MAMDC2: variants seen among roughly 807,000 people sequenced by gnomAD.
MAMDC2 encodes the protein MAM domain containing 2, also known as MAM domain-containing protein 2.
In MAMDC2, 57 loss-of-function variants were observed where a neutral mutation model predicts 89.8. That is an observed-to-expected ratio of 0.63 (90% CI 0.51 to 0.79). MAMDC2 has a LOEUF of 0.79. Ranked by LOEUF, MAMDC2 falls within the 30% of genes least tolerant of loss-of-function variation. MAMDC2 has a pLI of 0.00. For synonymous variants in MAMDC2, 313 were observed against 293.4 expected (o/e 1.07, Z -0.68); for missense variants, 800 against 820.6 (o/e 0.97, Z 0.31).
chr9:70,143,499 TG>T lies in MAMDC2; in HGVS notation c.1139-54del, dbSNP rs2031295015. On this transcript the variant is annotated intron_variant, in intron 8 of 13. Coordinates refer to ENST00000377182, the MANE Select transcript of MAMDC2 (RefSeq NM_153267.5). The stretch of plus-strand genomic sequence containing the variant: ...TCTACTTTAATCATATTTTACCACT[TG>T]CTAATCTAGATTAGATTATTTTGCA... 4 of 1,556,018 alleles carry T rather than the reference TG, an allele frequency of 2.6e-6. No individual in the cohort carries two copies. The South Asian group carries it at 4.5e-5, about 18-fold the overall frequency.
chr9:70,214,067 T>C (rs534537954), intron 11 of MAMDC2, among the ~76,000 whole-genome samples: 1 of 152,272 alleles, frequency 6.6e-6, no homozygotes, highest in South Asian at 2.1e-4. Flanking sequence ...GACCTGGGAA[T>C]GTGGCAGTGA....
chr9:70,108,820 GTGTGCTA>G (rs1828418228), intron 3 of MAMDC2, among the ~76,000 whole-genome samples: 1 of 152,140 alleles, frequency 6.6e-6, no homozygotes, highest in Non-Finnish European at 1.5e-5. Flanking sequence ...TCTAAATTGT[GTGTGCTA>G]TGTGTTTGTT....
rs1047842014 is a variant in MAMDC2 at position 70,092,824 on chromosome 9, T to C, written c.149-15387T>C. On this transcript the variant is annotated intron_variant, in intron 2 of 13. Coordinates refer to ENST00000377182, the MANE Select transcript of MAMDC2 (RefSeq NM_153267.5). ...TAGATTGCTCATTTTACAGATATCA[T>C]GAGGTTTACCTTCATTTAAACTCTT... 3 of 152,332 alleles carry C rather than the reference T, an allele frequency of 2.0e-5. No homozygotes were observed. In the East Asian group the frequency reaches 5.8e-4, roughly 29 times the overall value. 9.4% of individuals were successfully genotyped at this position (152,332 alleles called of 1,614,324 possible).
chr9:70,209,145 A>C (rs908089716), intron 11 of MAMDC2, among the ~76,000 whole-genome samples: 1 of 152,210 alleles, frequency 6.6e-6, no homozygotes, highest in Non-Finnish European at 1.5e-5. Context: ...TTGGCCTCAT[A>C]AAATGAATTA....
chr9:70,130,849 A>C (rs1405005602), intron 6 of MAMDC2, among the ~76,000 whole-genome samples: 2 of 152,198 alleles, frequency 1.3e-5, no homozygotes, highest in African/African-American at 4.8e-5. Context: ...TTTTTCCTTT[A>C]ATTGAAGTTC....
chr9:70,084,014 T>C (rs1039628711), intron 2 of MAMDC2, among the ~76,000 whole-genome samples: 1 of 152,136 alleles, frequency 6.6e-6, no homozygotes, highest in African/African-American at 2.4e-5. Context: ...CCAATGTTAA[T>C]GTTTTGTGAT....
intron 12 of MAMDC2, among the ~76,000 whole-genome samples, chr9:70,224,105 AGGTGT>A (rs2033609410): frequency 6.6e-6 from 1 of 152,184 alleles, no homozygotes; most frequent in Non-Finnish European, 1.5e-5. Flanking sequence ...ATGTGCACTC[AGGTGT>A]CCTTTTATCT....
intron 11 of MAMDC2, among the ~76,000 whole-genome samples, chr9:70,193,045 A>G (rs2032914233): frequency 6.6e-6 from 1 of 152,028 alleles, no homozygotes; most frequent in South Asian, 2.1e-4. Context: ...AAACTAACTT[A>G]TTAGGGTTCC....
At chr9:70,217,747 A>T (rs1007270338) in intron 11 of MAMDC2, 7 of 1,071,300 alleles carry the variant, frequency 6.5e-6, no homozygotes, top group East Asian at 5.0e-5. Flanking sequence ...ACTAAAAAAA[A>T]GTGTCACAAA....
rs76883833 is a variant in MAMDC2, at chr9:70,164,458, A to G, written c.1405-4244A>G. ...TCTAGGCAGATTTCCTCGGCTATGAATATTCTCCATCAGGACAAACATTTT... is the reference window on the plus strand; with the variant it reads ...TCTAGGCAGATTTCCTCGGCTATGAGTATTCTCCATCAGGACAAACATTTT... On this transcript the variant is annotated intron_variant, in intron 9 of 13. Transcript: ENST00000377182. Among the ~76,000 whole-genome samples the G allele has an allele frequency of 1.8e-3, 275 of 152,268 alleles. 2 individuals carry two copies. Among genetic ancestry groups the G allele is most frequent in the Non-Finnish European group, 2.4e-3 (161 of 68,022 alleles).
chr9:70,071,839 C>G (rs1174935390), intron 2 of MAMDC2: 1 of 152,042 alleles, frequency 6.6e-6, no homozygotes, highest in Non-Finnish European at 1.5e-5. Flanking sequence ...AATAGATGAA[C>G]AAAGGCTGAA....
intron 3 of MAMDC2, 73 bp downstream of exon 3, chr9:70,108,555 C>A (rs914073760): frequency 1.7e-5 from 23 of 1,364,270 alleles, no homozygotes; most frequent in African/African-American, 2.9e-5. Flanking sequence ...CTTATGAAAA[C>A]TTCTGACATG....
chr9:70,195,468 T>G (rs2032958611), intron 11 of MAMDC2, among the ~76,000 whole-genome samples: 1 of 152,094 alleles, frequency 6.6e-6, no homozygotes, highest in Admixed American at 6.6e-5. Flanking sequence ...ATCTGTGATC[T>G]TGCTAAGGGC....
chr9:70,179,348 T>TG (rs1175873859), intron 11 of MAMDC2, among the ~76,000 whole-genome samples: 1 of 55,998 alleles, frequency 1.8e-5, no homozygotes, highest in Non-Finnish European at 4.2e-5. Context: ...TCGTCTCTAC[T>TG]AAAAACACAC....
rs182942114 is a variant in MAMDC2 at position 70,177,803 on chromosome 9, A to G, written c.1651+7172A>G. ...TTCCAAACCTACATGCTACTAAGAG[A>G]CCACACATGGCCTGGAACAGCTGTG... On this transcript the variant is annotated intron_variant, in intron 11 of 13. Transcript: ENST00000377182. Among the ~76,000 whole-genome samples, 1,209 of 152,238 alleles carry G rather than the reference A, an allele frequency of 7.9e-3. 7 individuals carry two copies. The highest frequency in any genetic ancestry group is 0.028 in the African/African-American group (1,152 of 41,540).
chr9:70,195,940 A>G (rs926746660), intron 11 of MAMDC2, among the ~76,000 whole-genome samples: 1 of 152,140 alleles, frequency 6.6e-6, no homozygotes, highest in African/African-American at 2.4e-5. Context: ...TCACTCTGCT[A>G]ATAAAGACAT....
chr9:70,123,319 C>T (rs576990705), intron 5 of MAMDC2, among the ~76,000 whole-genome samples: 3 of 152,270 alleles, frequency 2.0e-5, no homozygotes, highest in Non-Finnish European at 4.4e-5. Context: ...CTAGAATGTT[C>T]TCGTCAAGGC....
chr9:70,118,347 C>CACACACACAG, intron 5 of MAMDC2, among the ~76,000 whole-genome samples: 2 of 139,296 alleles, frequency 1.4e-5, no homozygotes, highest in Non-Finnish European at 3.2e-5. Flanking sequence ...CACACACACA[C>CACACACACAG]AGTCCTCATG....
chr9:70,212,295 C>T (rs372676502), intron 11 of MAMDC2, among the ~76,000 whole-genome samples: 74 of 152,352 alleles, frequency 4.9e-4, no homozygotes, highest in Middle Eastern at 6.8e-3. Context: ...CCTTCCTGGC[C>T]GCTTTGTGTA....
Sources: gnomAD v4.1 joint callset for allele counts (sites outside exome capture counted in the v4.1 genomes callset) on GRCh38, gnomAD v4.1.1 for gene constraint, MANE v1.5 for transcripts, NCBI Gene and HGNC (gene_info 2026-07-23, HGNC 2026-07-21) for gene names.